CNTNAP2: variants seen among roughly 807,000 people sequenced by gnomAD.
CNTNAP2 encodes the protein contactin-associated protein-like 2.
A neutral mutation model predicts 155.2 loss-of-function variants in CNTNAP2; 98 were observed. The ratio of observed to expected loss-of-function variants is 0.63; its 90% CI spans 0.54 to 0.75. The LOEUF (loss-of-function observed/expected upper bound fraction) is 0.75. Ranked by LOEUF, CNTNAP2 falls within the 30% of genes least tolerant of loss-of-function variation. The pLI is 0.00. For synonymous variants in CNTNAP2, 651 were observed against 631.2 expected (o/e 1.03, Z -0.47); for missense variants, 1,727 against 1,688.1 (o/e 1.02, Z -0.40).
intron 1 of CNTNAP2, among the ~76,000 whole-genome samples, chr7:146,308,393 G>T (rs574831477): frequency 1.3e-5 from 2 of 152,268 alleles, no homozygotes; most frequent in South Asian, 2.1e-4. Flanking sequence ...TTGTAAACTA[G>T]TTCAACCATT....
intron 1 of CNTNAP2, among the ~76,000 whole-genome samples, chr7:146,674,474 A>G (rs1253490190): frequency 6.6e-6 from 1 of 151,114 alleles, no homozygotes; most frequent in Non-Finnish European, 1.5e-5. Context: ...TGGACTTTAA[A>G]CCTGCTGAGC....
At chr7:147,716,021 G>A (rs1796477357) in intron 13 of CNTNAP2, among the ~76,000 whole-genome samples, 1 of 152,212 alleles carries the variant, frequency 6.6e-6, no homozygotes, top group South Asian at 2.1e-4. Flanking sequence ...GTATAATTAG[G>A]TTTTTATTTC....
intron 1 of CNTNAP2, among the ~76,000 whole-genome samples, chr7:146,322,512 T>A (rs1801022228): frequency 6.6e-6 from 1 of 152,114 alleles, no homozygotes; most frequent in South Asian, 2.1e-4. Context: ...AATGATTTCA[T>A]TCATAGGTGC....
rs79527864 is a variant in CNTNAP2 at position 147,149,449 on chromosome 7, T to C, written c.1348+16940T>C. Among the ~76,000 whole-genome samples, 485 of 152,274 alleles carry C rather than the reference T, an allele frequency of 3.2e-3. 2 individuals carry two copies. The highest frequency in any genetic ancestry group is 0.011 in the African/African-American group (471 of 41,560). On this transcript the variant is annotated intron_variant, in intron 8 of 23. Coordinates refer to ENST00000361727, the MANE Select transcript of CNTNAP2 (RefSeq NM_014141.6). ...CAGCTGGCTTCACCTCTCATAAACA[T>C]ATCACTATTCAATGAATACAAAAAA...
intron 9 of CNTNAP2, among the ~76,000 whole-genome samples, chr7:147,373,034 G>T (rs976561708): frequency 2.6e-4 from 40 of 151,744 alleles, no homozygotes; most frequent in Admixed American, 1.3e-3. Context: ...CTAACTGATC[G>T]TACCGTCCAG....
chr7:146,215,266 TA>T (rs1395472074), intron 1 of CNTNAP2, among the ~76,000 whole-genome samples: 2 of 152,168 alleles, frequency 1.3e-5, no homozygotes, highest in Non-Finnish European at 2.9e-5. Context: ...ATACTTGCGT[TA>T]AAAAATGTCC....
At chr7:148,015,698 A>G (rs1802164739) in intron 15 of CNTNAP2, among the ~76,000 whole-genome samples, 1 of 152,192 alleles carries the variant, frequency 6.6e-6, no homozygotes, top group Non-Finnish European at 1.5e-5. Flanking sequence ...CATCCTCAAC[A>G]GGGCATGTTA....
intron 16 of CNTNAP2, among the ~76,000 whole-genome samples, chr7:148,122,557 T>C (rs537270439): frequency 1.3e-5 from 2 of 151,960 alleles, no homozygotes; most frequent in African/African-American, 2.4e-5. Context: ...GGGCCAGCAA[T>C]AGCAAGGTGG....
intron 14 of CNTNAP2, among the ~76,000 whole-genome samples, chr7:147,954,140 G>A (rs1232957649): frequency 1.3e-5 from 2 of 152,110 alleles, no homozygotes; most frequent in Non-Finnish European, 2.9e-5. Flanking sequence ...GGAGAAAAGT[G>A]CTTGTCCAGT....
intron 1 of CNTNAP2, among the ~76,000 whole-genome samples, chr7:146,229,154 A>G (rs1799343095): frequency 6.6e-6 from 1 of 152,216 alleles, no homozygotes; most frequent in East Asian, 1.9e-4. Flanking sequence ...GAACTGCTTA[A>G]AAAATATTCA....
chr7:146,864,951 T>C (rs943448748), intron 3 of CNTNAP2, among the ~76,000 whole-genome samples: 1 of 136,452 alleles, frequency 7.3e-6, no homozygotes, highest in Non-Finnish European at 1.5e-5. Flanking sequence ...TGAGGTATGA[T>C]CTTACCACCA....
intron 15 of CNTNAP2, among the ~76,000 whole-genome samples, chr7:148,008,955 AT>A (rs1223418177): frequency 6.6e-6 from 1 of 152,214 alleles, no homozygotes; most frequent in African/African-American, 2.4e-5. Context: ...TGTGGAAAGA[AT>A]AACATTATGT....
chr7:147,969,155 T>A (rs1829626265), intron 14 of CNTNAP2, among the ~76,000 whole-genome samples: 1 of 152,042 alleles, frequency 6.6e-6, no homozygotes. Flanking sequence ...GCTCAAGCAA[T>A]CCTCCCACCT....
At chr7:147,818,640 A>T (rs951924200) in intron 13 of CNTNAP2, among the ~76,000 whole-genome samples, 13 of 152,178 alleles carry the variant, frequency 8.5e-5, no homozygotes, top group African/African-American at 3.1e-4. Context: ...TCTCTATTTT[A>T]AAAAATGCAA....
chr7:147,408,925 C>T (rs1563193652), intron 10 of CNTNAP2, among the ~76,000 whole-genome samples: 1 of 151,930 alleles, frequency 6.6e-6, no homozygotes, highest in Non-Finnish European at 1.5e-5. Context: ...TGCAGTAGAA[C>T]CAGGTGAAAA....
intron 1 of CNTNAP2, among the ~76,000 whole-genome samples, chr7:146,373,029 T>C (rs1051254459): frequency 3.9e-5 from 6 of 152,044 alleles, no homozygotes; most frequent in Non-Finnish European, 7.4e-5. Context: ...GTGAAACTAG[T>C]AGAGAAAATT....
intron 3 of CNTNAP2, among the ~76,000 whole-genome samples, chr7:147,027,004 G>GAAAAAAAAAAAACAAAAAAAAAAAAAAAA (rs1798934502): frequency 1.5e-5 from 1 of 67,446 alleles, no homozygotes; most frequent in Non-Finnish European, 2.9e-5. Flanking sequence ...AAACAGAACA[G>GAAAAAAAAAAAACAAAAAAAAAAAAAAAA]AAAAAAAAAA....
intron 1 of CNTNAP2, among the ~76,000 whole-genome samples, chr7:146,204,120 T>C (rs1253189211): frequency 2.0e-5 from 3 of 152,208 alleles, no homozygotes; most frequent in Admixed American, 1.3e-4. Context: ...AAAATTCTTG[T>C]AAAACTTTGT....
chr7:146,564,841 A>G (rs924862177), intron 1 of CNTNAP2, among the ~76,000 whole-genome samples: 1 of 151,960 alleles, frequency 6.6e-6, no homozygotes, highest in African/African-American at 2.4e-5. Flanking sequence ...ATGTTTACAT[A>G]TATCATTGAA....
Sources: allele counts gnomAD v4.1 joint callset (sites outside exome capture counted in the v4.1 genomes callset), GRCh38; gene constraint gnomAD v4.1.1; transcripts MANE v1.5; gene names NCBI Gene and HGNC (gene_info 2026-07-23, HGNC 2026-07-21).